The following PCCB variants were observed in gnomAD, a reference collection of about 807,000 sequenced individuals.
PCCB encodes propionyl-CoA carboxylase beta chain, mitochondrial.
Under a neutral mutation model 60.7 loss-of-function variants are expected in PCCB, and 43 were observed. The observed-to-expected ratio is 0.71, with a 90% CI of 0.55 to 0.91. The LOEUF is 0.91. PCCB is among the 40% of genes least tolerant of loss of function. The pLI is 0.00. For missense variants in PCCB, 766 were observed against 702.8 expected, an observed-to-expected ratio of 1.09 and a Z score of -1.02; for synonymous variants, 276 against 255.9, an observed-to-expected ratio of 1.08 and a Z score of -0.75.
intron 6 of PCCB, among the ~76,000 whole-genome samples, chr3:136,290,116 G>T (rs1347887509): frequency 2.0e-5 from 3 of 152,022 alleles, no homozygotes; most frequent in Admixed American, 6.6e-5. Flanking sequence ...CTTCTTGAAT[G>T]CTCTTTCTTT....
intron 9 of PCCB, 115 bp downstream of exon 9, chr3:136,301,226 G>A (rs112239683): frequency 3.7e-6 from 3 of 804,554 alleles, no homozygotes; most frequent in East Asian, 2.5e-5. Context: ...GACAGCACAG[G>A]TCGGGAATAG....
chr3:136,286,659 T>C (rs899056962), intron 6 of PCCB, among the ~76,000 whole-genome samples: 1 of 152,156 alleles, frequency 6.6e-6, no homozygotes, highest in Admixed American at 6.5e-5. Flanking sequence ...GCACGACTAC[T>C]TACTTCTTAC....
chr3:136,288,436 C>T (rs1364745338), intron 6 of PCCB, among the ~76,000 whole-genome samples: 2 of 149,020 alleles, frequency 1.3e-5, no homozygotes, highest in Admixed American at 6.6e-5. Context: ...ACCTTCGGCT[C>T]CCAGGTTCAA....
intron 5 of PCCB, among the ~76,000 whole-genome samples, chr3:136,280,760 A>G (rs182795128): frequency 6.6e-6 from 1 of 152,324 alleles, no homozygotes; most frequent in South Asian, 2.1e-4. Context: ...TTATAGGATC[A>G]AGCAGTCTTC....
intron 5 of PCCB, among the ~76,000 whole-genome samples, chr3:136,262,604 A>G (rs1270213869): frequency 1.3e-5 from 2 of 152,240 alleles, no homozygotes; most frequent in Non-Finnish European, 2.9e-5. Flanking sequence ...GAAAAGAAAC[A>G]TAAAATAATG....
chr3:136,290,439 C>T (rs1933622477), intron 6 of PCCB, among the ~76,000 whole-genome samples: 1 of 151,950 alleles, frequency 6.6e-6, no homozygotes, highest in Non-Finnish European at 1.5e-5. Context: ...TTTCTTGTGG[C>T]TGCCTTTAGG....
chr3:136,252,351 A>G (rs1053469525), intron 1 of PCCB: 10 of 455,108 alleles, frequency 2.2e-5, no homozygotes, highest in African/African-American at 8.0e-5. Context: ...GCTTCAAGCA[A>G]TTCTCCTGCC....
At chr3:136,327,767 A>G in intron 13 of PCCB, 35 bp downstream of exon 13, 1 of 1,498,314 alleles carries the variant, frequency 6.7e-7, no homozygotes, top group Non-Finnish European at 9.3e-7. Context: ...TCTGGGTCCA[A>G]GGACTCGACT....
intron 2 of PCCB, chr3:136,256,252 T>C: frequency 1.8e-6 from 1 of 566,648 alleles, no homozygotes. Flanking sequence ...CTTGTGTTTC[T>C]TTATACGTCC....
At chr3:136,256,446 G>A (rs1361529354) in intron 2 of PCCB, 109 bp from the exon 3 acceptor site, 14 of 788,426 alleles carry the variant, frequency 1.8e-5, no homozygotes, top group South Asian at 5.7e-5. Flanking sequence ...TCATATTGAC[G>A]TTTTAGGAAT....
At chr3:136,317,189 C>T (rs4317048) in intron 10 of PCCB, 125 bp downstream of exon 10, 329 of 461,274 alleles carry the variant, frequency 7.1e-4, no homozygotes, top group South Asian at 1.2e-3. Flanking sequence ...AGGAAAAAAT[C>T]TAAATGGTTG....
intron 5 of PCCB, among the ~76,000 whole-genome samples, chr3:136,262,353 G>A (rs1941850771): frequency 6.6e-6 from 1 of 152,178 alleles, no homozygotes; most frequent in Non-Finnish European, 1.5e-5. Context: ...TTTTTTGAAA[G>A]CAAGGGAGAG....
At chr3:136,260,046 C>T (rs1482143625) in intron 3 of PCCB, 2 of 271,794 alleles carry the variant, frequency 7.4e-6, no homozygotes, top group East Asian at 2.1e-4. Flanking sequence ...GCCACCATGC[C>T]CGGGCAACTT....
intron 1 of PCCB, chr3:136,252,242 G>A: frequency 2.2e-6 from 1 of 454,898 alleles, no homozygotes. Context: ...AGAGGAATTA[G>A]TGGGTCAAAG....
intron 9 of PCCB, among the ~76,000 whole-genome samples, chr3:136,302,083 C>T (rs2108210095): frequency 6.6e-6 from 1 of 152,350 alleles, no homozygotes; most frequent in African/African-American, 2.4e-5. Flanking sequence ...GACCACCCAT[C>T]TCTTTGCACC....
At chr3:136,298,810 C>A (rs1004118105) in intron 8 of PCCB, among the ~76,000 whole-genome samples, 2 of 152,216 alleles carry the variant, frequency 1.3e-5, no homozygotes. Flanking sequence ...GGACTTTCTT[C>A]TGCAGAAGGG....
chr3:136,304,483 G>A lies in PCCB; in HGVS notation c.966+3372G>A, dbSNP rs1330244930. Among the ~76,000 whole-genome samples the A allele has an allele frequency of 3.4e-5, 4 of 117,542 alleles. 1 individual carries two copies. Among genetic ancestry groups the A allele is most frequent in the Non-Finnish European group, 7.5e-5 (4 of 53,206 alleles). The allele number at this position is 117,542 out of a possible 152,430, so 77.1% of individuals were successfully genotyped here. Reference sequence around the variant, plus strand: ...TGCAAGCTCTGCCTCCCGGGTACACGCCATTCTCCTGCCTCAGCCACCCAA... The same window carrying A: ...TGCAAGCTCTGCCTCCCGGGTACACACCATTCTCCTGCCTCAGCCACCCAA... On this transcript the variant is annotated intron_variant, in intron 9 of 14. Transcript: ENST00000251654.
chr3:136,268,117 T>TCTACATATATATATAC (rs1283089178), intron 5 of PCCB, among the ~76,000 whole-genome samples: 2 of 132,850 alleles, frequency 1.5e-5, no homozygotes, highest in Non-Finnish European at 3.1e-5. Context: ...TATATATATA[T>TCTACATATATATATAC]ATATGTATAT....
At position 136,306,547 on chromosome 3, in the gene PCCB, A is replaced by G. The variant is rs892493897; in HGVS notation, c.966+5436A>G. On this transcript the variant is annotated intron_variant, in intron 9 of 14. Coordinates refer to ENST00000251654, the MANE Select transcript of PCCB (RefSeq NM_000532.5). ...TTTTACATTCTCACCACAAAAAAGT[A>G]TGTGAGGTGGTGGATATGTTAACTA... is the stretch of plus-strand genomic sequence containing the variant. Among the ~76,000 whole-genome samples, 15 of 122,974 alleles carry G rather than the reference A, an allele frequency of 1.2e-4. 2 individuals are homozygous for G. Among genetic ancestry groups the G allele is most frequent in the African/African-American group, 3.7e-4 (15 of 40,182 alleles). The allele number at this position is 122,974 out of a possible 152,430, so 80.7% of individuals were successfully genotyped here.
Sources: gnomAD v4.1 joint callset for allele counts (sites outside exome capture counted in the v4.1 genomes callset) on GRCh38, gnomAD v4.1.1 for gene constraint, MANE v1.5 for transcripts, NCBI Gene and HGNC (gene_info 2026-07-23, HGNC 2026-07-21) for gene names.